The following MILR1 variants were observed in gnomAD, a reference collection of about 807,000 sequenced individuals.
MILR1 encodes allergin-1.
MILR1 carries 31 observed loss-of-function variants against 18.5 expected under a neutral mutation model. That is an observed-to-expected ratio of 1.68 (90% CI 1.26 to 2.26). The LOEUF is 2.26. MILR1 is among the 30% of genes most tolerant of loss of function. The probability of loss-of-function intolerance (pLI) is 0.00; values close to 1 mark genes in which losing one functional copy is unlikely to be tolerated. For missense variants in MILR1, 257 were observed against 157.4 expected (o/e 1.63, Z -3.38); for synonymous variants, 85 against 56.2 (o/e 1.51, Z -2.30).
At chr17:64,494,653 G>C in the MILR1 span, among the ~76,000 whole-genome samples, 1 of 151,934 alleles carries the variant, frequency 6.6e-6, no homozygotes, top group South Asian at 2.1e-4. Flanking sequence ...TAGTCAATGT[G>C]TTATGATCCA....
chr17:64,467,010 C>A (rs2037580751), intron 8 of MILR1, among the ~76,000 whole-genome samples: 1 of 146,390 alleles, frequency 6.8e-6, no homozygotes, highest in Non-Finnish European at 1.5e-5. Flanking sequence ...TTTATTTTTT[C>A]TTTTTCTTTC....
At chr17:64,480,143 G>A in the MILR1 span, 52,851 of 250,014 alleles carry the variant, frequency 0.21, 12,272 homozygotes, top group African/African-American at 0.7. Context: ...TTAACTAAAT[G>A]CACATAGTTC....
At chr17:64,476,571 A>G in the MILR1 span, among the ~76,000 whole-genome samples, 2 of 152,192 alleles carry the variant, frequency 1.3e-5, no homozygotes, top group East Asian at 3.9e-4. Context: ...GAAGGGTGGT[A>G]TTAGTGGATG....
At chr17:64,489,070 G>C in the MILR1 span, among the ~76,000 whole-genome samples, 493 of 144,950 alleles carry the variant, frequency 3.4e-3, 1 homozygote, top group African/African-American at 0.012. Flanking sequence ...CTGTTGCACA[G>C]GCTGGAGTGC....
intron 3 of MILR1, 138 bp downstream of exon 3, chr17:64,453,004 T>A (rs1423637402): frequency 4.9e-6 from 2 of 406,956 alleles, no homozygotes; most frequent in Non-Finnish European, 8.9e-6. Flanking sequence ...TTTTTTTATT[T>A]TTTATTTATT....
At chr17:64,468,711 CCACT>C (rs1438185323), downstream of MILR1, 1 of 895,730 alleles carries the variant, frequency 1.1e-6, no homozygotes, top group Non-Finnish European at 1.4e-6. Flanking sequence ...ATGATCTTTT[CCACT>C]GGTCAGCACT....
chr17:64,479,154 T>C, the MILR1 span, among the ~76,000 whole-genome samples: 1 of 151,408 alleles, frequency 6.6e-6, no homozygotes, highest in African/African-American at 2.4e-5. Context: ...TATAGAAAAC[T>C]ACTTTTCTTT....
chr17:64,461,243 A>G (rs2037425772), intron 5 of MILR1, among the ~76,000 whole-genome samples: 1 of 151,762 alleles, frequency 6.6e-6, no homozygotes, highest in African/African-American at 2.4e-5. Flanking sequence ...GTATTTGTTT[A>G]TTTATTTATT....
downstream of MILR1, among the ~76,000 whole-genome samples, chr17:64,469,958 A>G (rs1421328061): frequency 6.6e-6 from 1 of 152,144 alleles, no homozygotes; most frequent in Non-Finnish European, 1.5e-5. Flanking sequence ...AGCAAATAGA[A>G]TGGTGGTTCC....
chr17:64,465,365 T>G (rs2037530145), intron 5 of MILR1, 87 bp from the exon 6 acceptor site: 2 of 940,328 alleles, frequency 2.1e-6, no homozygotes, highest in South Asian at 2.9e-5. Context: ...GTTTCAGAAC[T>G]TTGAGGGAAT....
chr17:64,497,136 A>AGCCGTCCCCCGCCCGCC, the MILR1 span: 1 of 718,204 alleles, frequency 1.4e-6, no homozygotes, highest in African/African-American at 1.7e-5. Flanking sequence ...TTCCGGCCGC[A>AGCCGTCCCCCGCCCGCC]GCCGTCCCCC....
the MILR1 span, among the ~76,000 whole-genome samples, chr17:64,476,885 A>G: frequency 6.6e-6 from 1 of 152,076 alleles, no homozygotes; most frequent in Non-Finnish European, 1.5e-5. Flanking sequence ...AAAATCAATT[A>G]AGTCAGTCAA....
At chr17:64,483,921 A>T in the MILR1 span, 9 of 152,290 alleles carry the variant, frequency 5.9e-5, no homozygotes, top group Non-Finnish European at 1.3e-4. Context: ...CATGTTGCCC[A>T]GACAGACTGG....
chr17:64,473,204 G>T (rs1180105331), downstream of MILR1, among the ~76,000 whole-genome samples: 1 of 151,930 alleles, frequency 6.6e-6, no homozygotes, highest in Non-Finnish European at 1.5e-5. Context: ...CAAAAACATT[G>T]GCCGGGCGAG....
chr17:64,468,299 T>C lies in MILR1; in HGVS notation c.*29-11T>C, dbSNP rs781785303. 4 of 455,836 alleles carry C rather than the reference T, an allele frequency of 8.8e-6. No individual in the cohort carries two copies. The highest frequency in any genetic ancestry group is 6.2e-5 in the South Asian group (4 of 64,534). 28.2% of individuals were successfully genotyped at this position (455,836 alleles called of 1,614,324 possible). ...TATATTCTCTCTTGTCTCTCTCTTT[T>C]TTTTTTTGAGATGGAGTCTCACTCT... is the stretch of plus-strand genomic sequence containing the variant. On this transcript the variant is annotated splice_polypyrimidine_tract_variant and intron_variant, in intron 9 of 9. Transcript: ENST00000619286.
chr17:64,496,552 T>G, the MILR1 span: 1 of 1,613,108 alleles, frequency 6.2e-7, no homozygotes, highest in South Asian at 1.1e-5. Context: ...TGTCCCCGGG[T>G]AGCAAAGGGC....
the MILR1 span, chr17:64,496,561 G>A: frequency 2.5e-6 from 4 of 1,613,864 alleles, no homozygotes; most frequent in Non-Finnish European, 3.4e-6. Context: ...GTAGCAAAGG[G>A]CCTGGTTTGT....
In MILR1 at chr17:64,455,255, A is replaced by G. The variant is rs1010322094; in HGVS notation, c.368-2145A>G. Among the ~76,000 whole-genome samples, 9 of 152,296 alleles carry G rather than the reference A, an allele frequency of 5.9e-5. 1 individual carries two copies. The South Asian group carries it at 1.9e-3, about 32-fold the overall frequency. The stretch of plus-strand genomic sequence containing the variant: ...TAGGGTAATTACACAGTCTGGTAAT[A>G]AAACTATCTTGGTAGATTATAAAAC... On this transcript the variant is annotated intron_variant, in intron 3 of 9. Coordinates refer to ENST00000619286, the MANE Select transcript of MILR1 (RefSeq NM_001085423.2).
chr17:64,496,905 C>G, the MILR1 span: 2 of 1,612,718 alleles, frequency 1.2e-6, no homozygotes, highest in Admixed American at 1.7e-5. Flanking sequence ...ACTCGACCCC[C>G]AAACCCAGAC....
Sources: allele counts gnomAD v4.1 joint callset (sites outside exome capture counted in the v4.1 genomes callset), GRCh38; gene constraint gnomAD v4.1.1; transcripts MANE v1.5; gene names NCBI Gene and HGNC (gene_info 2026-07-23, HGNC 2026-07-21).